The following PTPRD variants were observed in gnomAD, a reference collection of about 807,000 sequenced individuals.
PTPRD encodes protein tyrosine phosphatase receptor type D, also known as receptor-type tyrosine-protein phosphatase delta.
Under a neutral mutation model 214.5 loss-of-function variants are expected in PTPRD, and 34 were observed. The ratio of observed to expected loss-of-function variants is 0.16; its 90% CI spans 0.12 to 0.21. The LOEUF is 0.21. Ranked by LOEUF, PTPRD falls within the 10% of genes least tolerant of loss-of-function variation. The pLI is 1.00. For synonymous variants in PTPRD, 1,128 were observed against 845.7 expected (o/e 1.33, Z -5.79); for missense variants, 2,545 against 2,398.7 (o/e 1.06, Z -1.27).
chr9:9,558,151 G>T (rs560212687), intron 8 of PTPRD, among the ~76,000 whole-genome samples: 32 of 152,162 alleles, frequency 2.1e-4, no homozygotes, highest in Admixed American at 1.9e-3. Flanking sequence ...GTGCCAGCGC[G>T]CCCACCATGT....
intron 9 of PTPRD, among the ~76,000 whole-genome samples, chr9:9,202,848 C>T (rs993718402): frequency 1.3e-5 from 2 of 152,134 alleles, no homozygotes; most frequent in African/African-American, 4.8e-5. Context: ...CTTAAGAGTG[C>T]TTTTCTAACT....
intron 8 of PTPRD, among the ~76,000 whole-genome samples, chr9:9,400,588 C>A (rs561935642): frequency 4.4e-4 from 67 of 152,156 alleles, no homozygotes; most frequent in African/African-American, 1.6e-3. Context: ...TCCCCACCCC[C>A]TACAGAATTT....
chr9:8,316,989 TAGC>T lies in PTPRD; in HGVS notation c.*882_*884del. On this transcript the variant is annotated 3_prime_UTR_variant, in exon 46 of 46. Transcript: ENST00000381196. ...AATATGGATATATATGTATATATGTTAGCAGCAACTTTATACTTTGCGCCTCCC... is the reference window on the plus strand; with the variant it reads ...AATATGGATATATATGTATATATGTTAGCAACTTTATACTTTGCGCCTCCC... The T allele has an allele frequency of 4.3e-6, 1 of 231,272 alleles. No homozygotes were observed. 14.3% of individuals were successfully genotyped at this position (231,272 alleles called of 1,614,324 possible).
intron 8 of PTPRD, among the ~76,000 whole-genome samples, chr9:9,435,246 C>G (rs1188852591): frequency 3.9e-5 from 6 of 152,096 alleles, no homozygotes; most frequent in Non-Finnish European, 7.4e-5. Flanking sequence ...TGCGGTGGCT[C>G]ACACTTGTAA....
intron 8 of PTPRD, among the ~76,000 whole-genome samples, chr9:9,527,751 GAAGT>G (rs1718458684): frequency 6.6e-6 from 1 of 152,060 alleles, no homozygotes; most frequent in African/African-American, 2.4e-5. Flanking sequence ...TATAGTTACA[GAAGT>G]AATTGGGAAA....
chr9:8,986,534 A>G (rs1396734389), intron 11 of PTPRD, among the ~76,000 whole-genome samples: 2 of 151,266 alleles, frequency 1.3e-5, no homozygotes, highest in African/African-American at 4.8e-5. Flanking sequence ...AGTTTATCAT[A>G]AAAATCTACT....
chr9:10,202,870 A>G (rs2099435581), intron 3 of PTPRD, among the ~76,000 whole-genome samples: 2 of 151,818 alleles, frequency 1.3e-5, no homozygotes, highest in Non-Finnish European at 2.9e-5. Context: ...CCAAAGTATT[A>G]GGTGCTAACC....
At chr9:8,827,629 T>G (rs1255011321) in intron 11 of PTPRD, among the ~76,000 whole-genome samples, 1 of 152,074 alleles carries the variant, frequency 6.6e-6, no homozygotes, top group Non-Finnish European at 1.5e-5. Flanking sequence ...AAAATTAGGT[T>G]TTTGCCACAG....
intron 7 of PTPRD, among the ~76,000 whole-genome samples, chr9:9,580,547 C>CTT (rs1176394314): frequency 3.8e-4 from 47 of 123,084 alleles, no homozygotes; most frequent in South Asian, 1.0e-3. Flanking sequence ...ACTTTATTTT[C>CTT]TTTTTTTTTT....
Position 10,585,048 on chromosome 9 carries a change from G to A in PTPRD, c.-600+27350C>T, listed in dbSNP as rs545538256. Among the ~76,000 whole-genome samples, 32 of 152,168 alleles carry A rather than the reference G, an allele frequency of 2.1e-4. No homozygotes were observed. In the South Asian group the frequency reaches 6.2e-3, roughly 30 times the overall value. On this transcript the variant is annotated intron_variant, in intron 2 of 45. Transcript: ENST00000381196. ...CTAATCTCACCTCCATTTCAGTCATGTATTGTGATTTTGACTCCCCTTAAA... is the reference window on the plus strand; with the variant it reads ...CTAATCTCACCTCCATTTCAGTCATATATTGTGATTTTGACTCCCCTTAAA...
chr9:9,818,633 A>T (rs1423065662), intron 5 of PTPRD, among the ~76,000 whole-genome samples: 1 of 152,018 alleles, frequency 6.6e-6, no homozygotes, highest in African/African-American at 2.4e-5. Context: ...AGTAAAGAAA[A>T]TGGGTCGGGC....
chr9:9,807,820 G>T (rs2082860768), intron 5 of PTPRD, among the ~76,000 whole-genome samples: 2 of 152,140 alleles, frequency 1.3e-5, no homozygotes, highest in South Asian at 4.1e-4. Flanking sequence ...ATTGGCTGAA[G>T]ATTCATTGGA....
intron 13 of PTPRD, 55 bp downstream of exon 13, chr9:8,636,644 A>G (rs2154327635): frequency 1.3e-6 from 2 of 1,595,148 alleles, no homozygotes; most frequent in Non-Finnish European, 1.7e-6. Context: ...CGTAGAAACC[A>G]AAGACAGAGC....
intron 9 of PTPRD, among the ~76,000 whole-genome samples, chr9:9,211,084 T>C (rs2099948250): frequency 6.6e-6 from 1 of 152,060 alleles, no homozygotes; most frequent in African/African-American, 2.4e-5. Flanking sequence ...TGTGTGAGTG[T>C]GTGTGTGTGT....
intron 12 of PTPRD, among the ~76,000 whole-genome samples, chr9:8,664,583 T>C (rs1222072307): frequency 6.6e-6 from 1 of 152,216 alleles, no homozygotes; most frequent in Non-Finnish European, 1.5e-5. Context: ...CCAGTCAATC[T>C]ATACTTTCCT....
At chr9:10,479,452 C>T (rs1448764815) in intron 2 of PTPRD, among the ~76,000 whole-genome samples, 1 of 152,032 alleles carries the variant, frequency 6.6e-6, no homozygotes, top group African/African-American at 2.4e-5. Context: ...TCAAACTTAA[C>T]TTGTACTCTA....
intron 9 of PTPRD, among the ~76,000 whole-genome samples, chr9:9,223,205 G>C (rs1403715792): frequency 1.3e-5 from 2 of 151,982 alleles, no homozygotes; most frequent in African/African-American, 2.4e-5. Context: ...CTGAGGAATA[G>C]AGCTGTGTGG....
chr9:8,929,316 G>A (rs1261308970), intron 11 of PTPRD, among the ~76,000 whole-genome samples: 1 of 152,056 alleles, frequency 6.6e-6, no homozygotes, highest in African/African-American at 2.4e-5. Context: ...TATGATATTG[G>A]CTGTGGGTTT....
chr9:8,947,200 A>G (rs2099070946), intron 11 of PTPRD, among the ~76,000 whole-genome samples: 1 of 151,550 alleles, frequency 6.6e-6, no homozygotes, highest in South Asian at 2.1e-4. Flanking sequence ...GTGGTGGCTC[A>G]CGCCTGTAAT....
Sources: gnomAD v4.1 joint callset for allele counts (sites outside exome capture counted in the v4.1 genomes callset) on GRCh38, gnomAD v4.1.1 for gene constraint, MANE v1.5 for transcripts, NCBI Gene and HGNC (gene_info 2026-07-23, HGNC 2026-07-21) for gene names.